Variants in DHFR2 observed in about 807,000 individuals in gnomAD.
DHFR2 encodes dihydrofolate reductase 2, mitochondrial.
A neutral mutation model predicts 12.0 loss-of-function variants in DHFR2; 11 were observed. The ratio of observed to expected loss-of-function variants is 0.92; its 90% CI spans 0.58 to 1.52. DHFR2 has a LOEUF of 1.52. Among genes scored for constraint, DHFR2 ranks in the 40% most tolerant of loss-of-function variants. The pLI, the probability that DHFR2 is intolerant of heterozygous loss-of-function variation, is 0.00. For synonymous variants in DHFR2, 87 were observed against 79.6 expected (o/e 1.09, Z -0.49); for missense variants, 188 against 221.2 (o/e 0.85, Z 0.95).
rs1476075326 is a variant in DHFR2 at position 94,060,567 on chromosome 3, T to G, written c.*381A>C. ...TTGTCTACAAACCTCTGGATATACA[T>G]GTACGAAGCTTTTGGTATTTCCTAC... On this transcript the variant is annotated 3_prime_UTR_variant, in exon 2 of 2. Transcript: ENST00000314636. 1.5e-5 allele frequency: 3 copies of G among 202,314 alleles called. No homozygotes were observed. The highest frequency in any genetic ancestry group is 2.0e-5 in the Non-Finnish European group (2 of 99,452). 12.5% of individuals were successfully genotyped at this position (202,314 alleles called of 1,614,324 possible).
At chr3:94,062,515 T>C (rs1284908312) in intron 1 of DHFR2, among the ~76,000 whole-genome samples, 1 of 152,218 alleles carries the variant, frequency 6.6e-6, no homozygotes, top group Non-Finnish European at 1.5e-5. Context: ...ATTTGGTAGA[T>C]TAAGTCAGTA....
At position 94,060,597 on chromosome 3, in the gene DHFR2, G is replaced by A. The variant is rs747485887; in HGVS notation, c.*351C>T. 6 of 235,940 alleles carry A rather than the reference G, an allele frequency of 2.5e-5. No individual in the cohort carries two copies. Among genetic ancestry groups the A allele is most frequent in the Non-Finnish European group, 4.1e-5 (5 of 121,586 alleles). 14.6% of individuals were successfully genotyped at this position (235,940 alleles called of 1,614,324 possible). A position where few individuals can be genotyped will look rare whatever the true frequency, so the allele number is the denominator to read the frequency against. ...GAAGCTTTTGGTATTTCCTACTAGT[G>A]AAACTGCTCAGCTGAAGGGTATGTG... On this transcript the variant is annotated 3_prime_UTR_variant, in exon 2 of 2. Coordinates refer to ENST00000314636, the MANE Select transcript of DHFR2 (RefSeq NM_176815.5).
In DHFR2 at chr3:94,060,887, TA is replaced by T. The variant is rs1323639747; in HGVS notation, c.*60del. On this transcript the variant is annotated 3_prime_UTR_variant, in exon 2 of 2. Transcript: ENST00000314636. ...GTCAACAAAAGTCCCTTTTCTAATG[TA>T]AAAATGCATACTTTTCTCAGAGGGA... 3.9e-6 allele frequency: 6 copies of T among 1,555,926 alleles called. No homozygotes were observed. Among genetic ancestry groups the T allele is most frequent in the Non-Finnish European group, 4.3e-6 (5 of 1,149,650 alleles).
rs1414608679 is a variant in DHFR2 at position 94,060,068 on chromosome 3, A to C, written c.*880T>G. 4.6e-5 allele frequency: 7 copies of C among 152,168 alleles called. No individual in the cohort carries two copies. The highest frequency in any genetic ancestry group is 1.0e-4 in the Non-Finnish European group (7 of 68,030). 9.4% of individuals were successfully genotyped at this position (152,168 alleles called of 1,614,324 possible). On this transcript the variant is annotated 3_prime_UTR_variant, in exon 2 of 2. Transcript: ENST00000314636. ...TGAAATTCTGTCTTAAAAAGAAAAA[A>C]AAAAAAAAGTATGAAGAGTTTACAT...
Position 94,059,477 on chromosome 3 carries a change from G to A in DHFR2, c.*1471C>T, listed in dbSNP as rs1322455690. ...AGCCCCCCAAAGTGCTGGGACCACA[G>A]GCGTGAGCCACCACTCCTGGCCAGT... On this transcript the variant is annotated 3_prime_UTR_variant, in exon 2 of 2. Coordinates refer to ENST00000314636, the MANE Select transcript of DHFR2 (RefSeq NM_176815.5). 1 of 152,256 alleles carries A rather than the reference G, an allele frequency of 6.6e-6. No individual in the cohort carries two copies. The allele number at this position is 152,256 out of a possible 1,614,324, so 9.4% of individuals were successfully genotyped here. A position where few individuals can be genotyped will look rare whatever the true frequency, so the allele number is the denominator to read the frequency against.
chr3:94,063,247 C>T, upstream of DHFR2: 1 of 1,098,464 alleles, frequency 9.1e-7, no homozygotes, highest in Non-Finnish European at 1.4e-6. Context: ...CTTTGTTCGT[C>T]CCCTCGCGAG....
At position 94,062,895 on chromosome 3, in the gene DHFR2, T is replaced by G; in HGVS notation, c.-245A>C. On this transcript the variant is annotated 5_prime_UTR_variant, in exon 1 of 2. Coordinates refer to ENST00000314636, the MANE Select transcript of DHFR2 (RefSeq NM_176815.5). Reference sequence around the variant, plus strand: ...TCCGCGTCCTGGGAAGTATCAGCCTTTACCAGCTACCGGAAGTAACTGCGC... The same window carrying G: ...TCCGCGTCCTGGGAAGTATCAGCCTGTACCAGCTACCGGAAGTAACTGCGC... 1 of 556,930 alleles carries G rather than the reference T, an allele frequency of 1.8e-6. No individual in the cohort carries two copies. Among genetic ancestry groups the G allele is most frequent in the Non-Finnish European group, 3.2e-6 (1 of 308,308 alleles). The allele number at this position is 556,930 out of a possible 1,614,324, so 34.5% of individuals were successfully genotyped here.
In DHFR2 at chr3:94,061,445, G is replaced by A. The variant is rs1429596898; in HGVS notation, c.67C>T (p.Leu23=). 1.2e-6 allele frequency: 2 copies of A among 1,614,064 alleles called. No individual in the cohort carries two copies. Among genetic ancestry groups the A allele is most frequent in the Admixed American group, 1.7e-5 (1 of 59,992 alleles). ...TCATTCCTGAGCGGCGGCCTGGGCA[G>A]GTCCCCGTTCTTGCCGATGCCCATG... ...QNMGIGKNGD[L]PRPPLRNEFR... is the part of the protein sequence containing the mutation. Residue 23 remains leucine, a synonymous_variant, in exon 2 of 2, where the codon CTG becomes TTG. Coordinates refer to ENST00000314636, the MANE Select transcript of DHFR2 (RefSeq NM_176815.5).
At position 94,061,504 on chromosome 3, in the gene DHFR2, A is replaced by C; in HGVS notation, c.8T>G (p.Leu3Arg). The change falls in exon 2 of 2, where the codon CTT (leucine) becomes CGT (arginine). Residue 3 changes from leucine (L) to arginine (R), a missense_variant. Physicochemically the swap from Leu to Arg is moderately radical, Grantham distance 102 (BLOSUM62 -2). Coordinates refer to ENST00000314636, the MANE Select transcript of DHFR2 (RefSeq NM_176815.5). MF[L>R]LLNCIVAVSQ... ...CACAGCGACGATGCAGTTTAGCAAA[A>C]GAAACATGACAGCAGCGGTTAACAC... is the stretch of plus-strand genomic sequence containing the variant. 1 of 1,614,082 alleles carries C rather than the reference A, an allele frequency of 6.2e-7. No individual in the cohort carries two copies. The highest frequency in any genetic ancestry group is 8.5e-7 in the Non-Finnish European group (1 of 1,179,918).
At chr3:94,063,079 T>A, upstream of DHFR2, 1 of 1,613,216 alleles carries the variant, frequency 6.2e-7, no homozygotes, top group Non-Finnish European at 8.5e-7. Context: ...GGAGGCTTTT[T>A]GATACTGATT....
At chr3:94,062,665 G>A (rs979295104) in intron 1 of DHFR2, 81 bp downstream of exon 1, 3 of 188,096 alleles carry the variant, frequency 1.6e-5, no homozygotes, top group South Asian at 2.1e-4. Context: ...ACAAAGCCTC[G>A]CTCTGTCGCC....
rs1250952027 is a variant in DHFR2, at chr3:94,062,734, C to A, written c.-96+12G>T. The A allele has an allele frequency of 3.8e-6, 1 of 261,624 alleles. No homozygotes were observed. Among genetic ancestry groups the A allele is most frequent in the Non-Finnish European group, 7.6e-6 (1 of 131,798 alleles). 16.2% of individuals were successfully genotyped at this position (261,624 alleles called of 1,614,324 possible). A position where few individuals can be genotyped will look rare whatever the true frequency, so the allele number is the denominator to read the frequency against. ...CTGCAACCTCAAACTTCTGCCCAAG[C>A]GATCCTCCCACCTCAGCATCCGCAG... is the stretch of plus-strand genomic sequence containing the variant. On this transcript the variant is annotated intron_variant, in intron 1 of 1. Coordinates refer to ENST00000314636, the MANE Select transcript of DHFR2 (RefSeq NM_176815.5).
At position 94,062,781 on chromosome 3, in the gene DHFR2, G is replaced by C. The variant is rs897396278; in HGVS notation, c.-131C>G. On this transcript the variant is annotated 5_prime_UTR_variant, in exon 1 of 2. Coordinates refer to ENST00000314636, the MANE Select transcript of DHFR2 (RefSeq NM_176815.5). ...GCAGAAGCAGGGGCCGCACAGGCGC[G>C]CAGATGTGTGACTTTCTAAGGTCCG... 6 of 306,198 alleles carry C rather than the reference G, an allele frequency of 2.0e-5. No homozygotes were observed. Among genetic ancestry groups the C allele is most frequent in the Non-Finnish European group, 3.7e-5 (6 of 160,022 alleles). 19.0% of individuals were successfully genotyped at this position (306,198 alleles called of 1,614,324 possible).
chr3:94,059,949 A>T lies in DHFR2; in HGVS notation c.*999T>A, dbSNP rs1183517113. ...CACGCGCCTGTAGTCCCAGCCACCC[A>T]GGAGCCTGAGGCAGGAGAATTGCTT... is the stretch of plus-strand genomic sequence containing the variant. On this transcript the variant is annotated 3_prime_UTR_variant, in exon 2 of 2. Coordinates refer to ENST00000314636, the MANE Select transcript of DHFR2 (RefSeq NM_176815.5). The T allele has an allele frequency of 6.6e-6, 1 of 152,144 alleles. No individual in the cohort carries two copies. Among genetic ancestry groups the T allele is most frequent in the Non-Finnish European group, 1.5e-5 (1 of 68,078 alleles). The allele number at this position is 152,144 out of a possible 1,614,324, so 9.4% of individuals were successfully genotyped here.
In DHFR2 at chr3:94,058,452, T is replaced by C. The variant is rs1459281576; in HGVS notation, c.*2496A>G. 6.6e-6 allele frequency: 1 copy of C among 152,174 alleles called. No homozygotes were observed. Among genetic ancestry groups the C allele is most frequent in the Non-Finnish European group, 1.5e-5 (1 of 68,028 alleles). The allele number at this position is 152,174 out of a possible 1,614,324, so 9.4% of individuals were successfully genotyped here. On this transcript the variant is annotated 3_prime_UTR_variant, in exon 2 of 2. Coordinates refer to ENST00000314636, the MANE Select transcript of DHFR2 (RefSeq NM_176815.5). ...TTCTTTTCTTCACATAACTACTTAG[T>C]CATTTCTTGATTATGTTATACATTA...
chr3:94,061,536 A>C lies in DHFR2; in HGVS notation c.-25T>G, dbSNP rs368461357. On this transcript the variant is annotated 5_prime_UTR_variant, in exon 2 of 2. Transcript: ENST00000314636. ...TGACAGCAGCGGTTAACACCTCCGAACTTGCTGGCTACGCCAGGAAGCCAG... is the reference window on the plus strand; with the variant it reads ...TGACAGCAGCGGTTAACACCTCCGACCTTGCTGGCTACGCCAGGAAGCCAG... The C allele has an allele frequency of 1.2e-6, 2 of 1,612,930 alleles. No individual in the cohort carries two copies. Among genetic ancestry groups the C allele is most frequent in the Non-Finnish European group, 1.7e-6 (2 of 1,179,452 alleles).
At chr3:94,061,814 G>A (rs866835787) in intron 1 of DHFR2, among the ~76,000 whole-genome samples, 35 of 151,826 alleles carry the variant, frequency 2.3e-4, no homozygotes, top group African/African-American at 8.2e-4. Context: ...CCAAGAGATG[G>A]CATCATTTCA....
In DHFR2 at chr3:94,060,748, G is replaced by C; in HGVS notation, c.*200C>G. ...TGTAGCAGGTGCTGGGGACTCAGTC[G>C]GGGTCTTGGAGAGACAGTTATAGCA... On this transcript the variant is annotated 3_prime_UTR_variant, in exon 2 of 2. Coordinates refer to ENST00000314636, the MANE Select transcript of DHFR2 (RefSeq NM_176815.5). 1 of 635,192 alleles carries C rather than the reference G, an allele frequency of 1.6e-6. No individual in the cohort carries two copies. Among genetic ancestry groups the C allele is most frequent in the East Asian group, 2.8e-5 (1 of 35,168 alleles). The allele number at this position is 635,192 out of a possible 1,614,324, so 39.3% of individuals were successfully genotyped here. A position where few individuals can be genotyped will look rare whatever the true frequency, so the allele number is the denominator to read the frequency against.
chr3:94,061,799 G>A (rs989325508), intron 1 of DHFR2, among the ~76,000 whole-genome samples, 193 bp from the exon 2 acceptor site: 5 of 151,350 alleles, frequency 3.3e-5, no homozygotes, highest in Admixed American at 2.6e-4. Flanking sequence ...TTAAACAGAC[G>A]GCATCCAAGA....
Sources: gnomAD v4.1 joint callset for allele counts (sites outside exome capture counted in the v4.1 genomes callset) on GRCh38, gnomAD v4.1.1 for gene constraint, MANE v1.5 for transcripts, NCBI Gene and HGNC (gene_info 2026-07-23, HGNC 2026-07-21) for gene names.